HESX1: variants seen among roughly 807,000 people sequenced by gnomAD.
HESX1 encodes the protein homeobox expressed in ES cells 1.
A neutral mutation model predicts 22.5 loss-of-function variants in HESX1; 11 were observed. The ratio of observed to expected loss-of-function variants is 0.49; its 90% CI spans 0.31 to 0.81. The LOEUF (loss-of-function observed/expected upper bound fraction) is 0.81. Ranked by LOEUF, HESX1 falls within the 30% of genes least tolerant of loss-of-function variation. The probability of loss-of-function intolerance (pLI) is 0.05; values close to 1 mark genes in which losing one functional copy is unlikely to be tolerated. For synonymous variants in HESX1, 74 were observed against 76.5 expected (o/e 0.97, Z 0.17); for missense variants, 201 against 212.6 (o/e 0.95, Z 0.34).
chr3:57,202,077 C>T (rs891640272), upstream of HESX1, among the ~76,000 whole-genome samples: 4 of 151,750 alleles, frequency 2.6e-5, no homozygotes, highest in Non-Finnish European at 4.4e-5. Flanking sequence ...CGCCACCACG[C>T]CTGGCTAATT....
chr3:57,225,945 A>G (rs1363806678), intron 1 of HESX1, among the ~76,000 whole-genome samples: 1 of 141,298 alleles, frequency 7.1e-6, no homozygotes, highest in East Asian at 2.1e-4. Flanking sequence ...CAGTGGTATG[A>G]TCTCAGCTCA....
intron 1 of HESX1, among the ~76,000 whole-genome samples, chr3:57,212,557 C>CAAAAAAAAAAAAAAAAAAA (rs56093005): frequency 1.2e-5 from 1 of 80,128 alleles, no homozygotes; most frequent in African/African-American, 5.5e-5. Context: ...GACTCTGTCT[C>CAAAAAAAAAAAAAAAAAAA]AAAAAAAAAA....
chr3:57,216,595 T>G (rs569377297), intron 1 of HESX1, among the ~76,000 whole-genome samples: 47 of 152,114 alleles, frequency 3.1e-4, no homozygotes, highest in Non-Finnish European at 5.9e-4. Flanking sequence ...TAGGTGAGAG[T>G]GAGACTCTGT....
intron 1 of HESX1, among the ~76,000 whole-genome samples, chr3:57,210,725 C>T (rs980840126): frequency 7.2e-5 from 11 of 152,180 alleles, no homozygotes; most frequent in African/African-American, 2.4e-4. Flanking sequence ...ACCTGACATG[C>T]AACTTAAATA....
Position 57,198,756 on chromosome 3 carries a change from G to C in HESX1, c.354C>G (p.Asn118Lys), listed in dbSNP as rs746444024. Reference protein sequence around the residue: ...GRRPRTAFTQNQIEVLENVFR... With the variant: ...GRRPRTAFTQKQIEVLENVFR... ...ATTGGGTGAAAAAACTTCCCACCTG[G>C]TTTTGAGTAAAAGCAGTTCTTGGTC... Residue 118 changes from asparagine to lysine, a missense_variant, in exon 2 of 4, where the codon AAC (asparagine) becomes AAG (lysine). Physicochemically the swap from Asn to Lys is moderately conservative, Grantham distance 94 (BLOSUM62 0). Transcript: ENST00000295934. The C allele has an allele frequency of 2.5e-6, 4 of 1,613,630 alleles. No individual in the cohort carries two copies. In the South Asian group the frequency reaches 4.4e-5, roughly 18 times the overall value.
chr3:57,221,809 A>G (rs1446411139), intron 1 of HESX1, among the ~76,000 whole-genome samples: 1 of 151,292 alleles, frequency 6.6e-6, no homozygotes, highest in East Asian at 2.0e-4. Flanking sequence ...GTTTCGCCAT[A>G]TTGTCAAGGC....
chr3:57,224,733 T>C (rs566518527), intron 1 of HESX1, among the ~76,000 whole-genome samples: 3 of 152,338 alleles, frequency 2.0e-5, no homozygotes, highest in African/African-American at 7.2e-5. Context: ...GGTTATTGGA[T>C]TCTTTCCTAT....
intron 1 of HESX1, among the ~76,000 whole-genome samples, chr3:57,216,808 T>G (rs1328144441): frequency 6.6e-6 from 1 of 152,222 alleles, no homozygotes; most frequent in Non-Finnish European, 1.5e-5. Flanking sequence ...ACTGTAAAGT[T>G]ACTCTTTTCC....
upstream of HESX1, chr3:57,200,150 T>A (rs2060476897): frequency 1.9e-6 from 1 of 523,172 alleles, no homozygotes; most frequent in Non-Finnish European, 3.5e-6. Flanking sequence ...AATTAGCAAC[T>A]AATGGCTACA....
upstream of HESX1, among the ~76,000 whole-genome samples, chr3:57,200,366 G>A (rs1579349984): frequency 6.6e-6 from 1 of 152,136 alleles, no homozygotes; most frequent in South Asian, 2.1e-4. Context: ...GAGAGCAGTC[G>A]AGTAATAAAT....
chr3:57,200,284 T>C (rs553430765), upstream of HESX1, among the ~76,000 whole-genome samples: 1 of 152,370 alleles, frequency 6.6e-6, no homozygotes, highest in South Asian at 2.1e-4. Context: ...CATTAATGTA[T>C]AAAATCAAGC....
chr3:57,226,543 C>G (rs926734429), upstream of HESX1: 3 of 152,182 alleles, frequency 2.0e-5, no homozygotes, highest in Admixed American at 2.0e-4. Context: ...AACTACAATG[C>G]AAGTCTACTC....
At chr3:57,204,072 GC>G (rs2060505522), upstream of HESX1, among the ~76,000 whole-genome samples, 1 of 152,218 alleles carries the variant, frequency 6.6e-6, no homozygotes, top group African/African-American at 2.4e-5. Flanking sequence ...CTTGCAGCCT[GC>G]AGCCAAGTCA....
Position 57,198,750 on chromosome 3 carries a change from C to T in HESX1, c.357+3G>A, listed in dbSNP as rs757979632. ...ATCATTATTGGGTGAAAAAACTTCC[C>T]ACCTGGTTTTGAGTAAAAGCAGTTC... is the stretch of plus-strand genomic sequence containing the variant. On this transcript the variant is annotated splice_donor_region_variant and intron_variant, in intron 2 of 3. Coordinates refer to ENST00000295934, the MANE Select transcript of HESX1 (RefSeq NM_003865.3). 1.9e-6 allele frequency: 3 copies of T among 1,613,504 alleles called. No individual in the cohort carries two copies. Among genetic ancestry groups the T allele is most frequent in the Non-Finnish European group, 1.7e-6 (2 of 1,179,724 alleles).
intron 1 of HESX1, among the ~76,000 whole-genome samples, chr3:57,206,004 A>G (rs1465561942): frequency 1.3e-5 from 2 of 152,154 alleles, no homozygotes; most frequent in Non-Finnish European, 2.9e-5. Flanking sequence ...CAGCCTGGCC[A>G]ACATGGTGAA....
At chr3:57,219,390 C>T (rs952676660) in intron 1 of HESX1, among the ~76,000 whole-genome samples, 8 of 151,152 alleles carry the variant, frequency 5.3e-5, no homozygotes, top group Admixed American at 1.3e-4. Context: ...TTTTTTGAGA[C>T]GGAGTCTTGC....
chr3:57,217,280 A>G (rs1193436470), intron 1 of HESX1, among the ~76,000 whole-genome samples: 1 of 152,166 alleles, frequency 6.6e-6, no homozygotes, highest in Non-Finnish European at 1.5e-5. Flanking sequence ...ACACGTTTAC[A>G]TCTACATTTA....
At chr3:57,227,581 C>T (rs747387990), upstream of HESX1, among the ~76,000 whole-genome samples, 2 of 152,232 alleles carry the variant, frequency 1.3e-5, no homozygotes, top group African/African-American at 2.4e-5. Context: ...ACACTGCCAC[C>T]TCCGCCGCTT....
At chr3:57,223,924 T>C (rs573001810) in intron 1 of HESX1, among the ~76,000 whole-genome samples, 3 of 152,336 alleles carry the variant, frequency 2.0e-5, no homozygotes, top group East Asian at 3.9e-4. Context: ...CTGGAAATCA[T>C]GTCCTCACCA....
Sources: allele counts gnomAD v4.1 joint callset (sites outside exome capture counted in the v4.1 genomes callset), GRCh38; gene constraint gnomAD v4.1.1; transcripts MANE v1.5; gene names NCBI Gene and HGNC (gene_info 2026-07-23, HGNC 2026-07-21).